KLHL1: variants seen among roughly 807,000 people sequenced by gnomAD.
KLHL1 encodes the protein kelch like family member 1.
KLHL1 carries 47 observed loss-of-function variants against 77.7 expected under a neutral mutation model. That is an observed-to-expected ratio of 0.60 (90% CI 0.48 to 0.77). The LOEUF is 0.77. Among genes scored for constraint, KLHL1 ranks in the 30% least tolerant of loss-of-function variants. The probability of loss-of-function intolerance (pLI) is 0.00; values close to 1 mark genes in which losing one functional copy is unlikely to be tolerated. For missense variants in KLHL1, 925 were observed against 910.8 expected (o/e 1.02, Z -0.20); for synonymous variants, 360 against 325.2 (o/e 1.11, Z -1.15).
intron 1 of KLHL1, among the ~76,000 whole-genome samples, chr13:70,036,964 T>C (rs1408356967): frequency 6.7e-6 from 1 of 149,528 alleles, no homozygotes; most frequent in Non-Finnish European, 1.5e-5. Flanking sequence ...ATCGAGATAA[T>C]AATCCATTTC....
At chr13:69,778,778 C>A (rs1192346798) in intron 7 of KLHL1, among the ~76,000 whole-genome samples, 1 of 147,852 alleles carries the variant, frequency 6.8e-6, no homozygotes, top group Non-Finnish European at 1.5e-5. Context: ...ATATTGAAGG[C>A]AGGTATTCCC....
chr13:69,972,773 T>C (rs1884425656), intron 2 of KLHL1, among the ~76,000 whole-genome samples: 2 of 152,018 alleles, frequency 1.3e-5, no homozygotes, highest in Admixed American at 6.6e-5. Context: ...AGCTCAATCA[T>C]ATTTCATTTC....
intron 5 of KLHL1, among the ~76,000 whole-genome samples, chr13:69,851,897 TAATA>T (rs1315076510): frequency 1.3e-5 from 2 of 151,902 alleles, no homozygotes; most frequent in Non-Finnish European, 1.5e-5. Flanking sequence ...TTTTACTAAT[TAATA>T]GTTTGTAGAA....
chr13:69,911,039 G>T (rs1047090711), intron 4 of KLHL1, among the ~76,000 whole-genome samples: 2 of 152,138 alleles, frequency 1.3e-5, no homozygotes, highest in African/African-American at 4.8e-5. Flanking sequence ...GATCAGTATA[G>T]AATCAGACAA....
At chr13:69,942,933 T>C (rs1883409487) in intron 3 of KLHL1, among the ~76,000 whole-genome samples, 1 of 152,170 alleles carries the variant, frequency 6.6e-6, no homozygotes, top group East Asian at 1.9e-4. Context: ...TTACATTTAC[T>C]TGTGGTGTTC....
intron 7 of KLHL1, among the ~76,000 whole-genome samples, chr13:69,786,276 A>G (rs1285558169): frequency 6.6e-6 from 1 of 152,168 alleles, no homozygotes; most frequent in Non-Finnish European, 1.5e-5. Context: ...CTGGCAAACC[A>G]AATCCAGCAG....
At chr13:69,703,178 G>A (rs1875474768) in intron 10 of KLHL1, among the ~76,000 whole-genome samples, 1 of 151,546 alleles carries the variant, frequency 6.6e-6, no homozygotes, top group African/African-American at 2.4e-5. Context: ...ATACAATGGT[G>A]GTCCCATAAG....
At chr13:70,105,642 C>G (rs1360290933) in intron 1 of KLHL1, among the ~76,000 whole-genome samples, 1 of 151,050 alleles carries the variant, frequency 6.6e-6, no homozygotes, top group Non-Finnish European at 1.5e-5. Context: ...TAATTCCTCC[C>G]AAAAAGTGTT....
At chr13:69,884,426 CAAAAAAA>C (rs60883710) in intron 4 of KLHL1, among the ~76,000 whole-genome samples, 3 of 64,900 alleles carry the variant, frequency 4.6e-5, no homozygotes, top group South Asian at 1.3e-3. Flanking sequence ...TCAGATTTTT[CAAAAAAA>C]AAAAAAAAAA....
chr13:70,105,528 C>G (rs1188940043), intron 1 of KLHL1, among the ~76,000 whole-genome samples: 1 of 151,332 alleles, frequency 6.6e-6, no homozygotes, highest in Non-Finnish European at 1.5e-5. Flanking sequence ...TCTTCCTGAG[C>G]TGTTAGAGTC....
At chr13:69,993,485 T>C (rs1471285284) in intron 1 of KLHL1, among the ~76,000 whole-genome samples, 3 of 152,030 alleles carry the variant, frequency 2.0e-5, no homozygotes, top group Non-Finnish European at 2.9e-5. Context: ...AAACACACTT[T>C]TGAACAACGA....
chr13:69,935,305 T>A (rs112392266), intron 4 of KLHL1, among the ~76,000 whole-genome samples: 4 of 60,262 alleles, frequency 6.6e-5, no homozygotes, highest in African/African-American at 3.0e-4. Context: ...TCACTATACC[T>A]TCATTTATTC....
chr13:69,787,660 G>A (rs1876629989), intron 7 of KLHL1, among the ~76,000 whole-genome samples: 2 of 152,106 alleles, frequency 1.3e-5, no homozygotes, highest in Non-Finnish European at 2.9e-5. Flanking sequence ...ATTGACAAAT[G>A]GGATCTAATT....
At chr13:70,020,310 G>T (rs2137350960) in intron 1 of KLHL1, among the ~76,000 whole-genome samples, 1 of 152,246 alleles carries the variant, frequency 6.6e-6, no homozygotes, top group East Asian at 1.9e-4. Context: ...TTCACTAGCA[G>T]AGTGAACCAT....
intron 1 of KLHL1, among the ~76,000 whole-genome samples, chr13:70,100,400 T>G (rs192902866): frequency 2.6e-5 from 4 of 151,448 alleles, no homozygotes; most frequent in Middle Eastern, 3.4e-3. Context: ...GCTTGCTACA[T>G]TTTTTTGTCG....
At chr13:69,777,564 G>A (rs1875895645) in intron 7 of KLHL1, among the ~76,000 whole-genome samples, 2 of 152,164 alleles carry the variant, frequency 1.3e-5, no homozygotes, top group South Asian at 2.1e-4. Flanking sequence ...AACAAAATTT[G>A]TGGTTTGCTA....
chr13:69,905,950 C>T (rs1379427591), intron 4 of KLHL1, among the ~76,000 whole-genome samples: 1 of 151,986 alleles, frequency 6.6e-6, no homozygotes, highest in Non-Finnish European at 1.5e-5. Flanking sequence ...CACAGCAACC[C>T]AGGAGATCAT....
intron 7 of KLHL1, among the ~76,000 whole-genome samples, chr13:69,748,986 C>G (rs1874349911): frequency 6.6e-6 from 1 of 151,824 alleles, no homozygotes; most frequent in Non-Finnish European, 1.5e-5. Context: ...TGAAAGTATC[C>G]ATGTTTTCCT....
intron 5 of KLHL1, among the ~76,000 whole-genome samples, chr13:69,839,392 A>G (rs536783162): frequency 7.0e-4 from 107 of 152,002 alleles, no homozygotes; most frequent in African/African-American, 2.6e-3. Context: ...ATTTTACCAC[A>G]CAGAGTAAAA....
Sources: allele counts gnomAD v4.1 joint callset (sites outside exome capture counted in the v4.1 genomes callset), GRCh38; gene constraint gnomAD v4.1.1; transcripts MANE v1.5; gene names NCBI Gene and HGNC (gene_info 2026-07-23, HGNC 2026-07-21).